The following SEM1 variants were observed in gnomAD, a reference collection of about 807,000 sequenced individuals.
The protein encoded by SEM1 is SEM1 26S proteasome subunit, also known as 26S proteasome complex subunit SEM1.
SEM1 carries 3 observed loss-of-function variants against 12.7 expected under a neutral mutation model. The ratio of observed to expected loss-of-function variants is 0.24; its 90% CI spans 0.11 to 0.61. The LOEUF (loss-of-function observed/expected upper bound fraction) is 0.61. SEM1 is among the 20% of genes least tolerant of loss of function. SEM1 has a pLI of 0.88. For synonymous variants in SEM1, 30 were observed against 27.8 expected (o/e 1.08, Z -0.25); for missense variants, 59 against 81.3 (o/e 0.73, Z 1.06).
intron 2 of SEM1, among the ~76,000 whole-genome samples, chr7:96,628,445 A>C (rs1267778322): frequency 6.6e-6 from 1 of 152,134 alleles, no homozygotes. Context: ...GCTTGCAAAT[A>C]GTATTTTATA....
At chr7:96,644,284 G>A (rs1011338371) in intron 2 of SEM1, among the ~76,000 whole-genome samples, 8 of 152,104 alleles carry the variant, frequency 5.3e-5, no homozygotes, top group African/African-American at 9.7e-5. Flanking sequence ...ATGAAGCAAA[G>A]TTTGGGAATG....
intron 2 of SEM1, among the ~76,000 whole-genome samples, chr7:96,508,723 T>G (rs1235928361): frequency 6.6e-6 from 1 of 152,128 alleles, no homozygotes; most frequent in Non-Finnish European, 1.5e-5. Context: ...TGGCATAAGG[T>G]GGATAAATAC....
At chr7:96,575,461 G>A (rs1475142398) in intron 2 of SEM1, among the ~76,000 whole-genome samples, 1 of 152,204 alleles carries the variant, frequency 6.6e-6, no homozygotes, top group African/African-American at 2.4e-5. Flanking sequence ...CCCACTTGAG[G>A]AGAGAGTCTG....
At chr7:96,514,172 C>T (rs1200220589) in intron 2 of SEM1, among the ~76,000 whole-genome samples, 1 of 152,052 alleles carries the variant, frequency 6.6e-6, no homozygotes, top group Non-Finnish European at 1.5e-5. Flanking sequence ...ATTACTAAGT[C>T]AAATGTACTT....
In SEM1 at chr7:96,602,843, A is replaced by G. The variant is rs552797948; in HGVS notation, c.170+91955T>C. Among the ~76,000 whole-genome samples, 38 of 152,322 alleles carry G rather than the reference A, an allele frequency of 2.5e-4. No individual in the cohort carries two copies. In the South Asian group the frequency reaches 7.7e-3, roughly 31 times the overall value. On this transcript the variant is annotated intron_variant and NMD_transcript_variant, in intron 2 of 3. Coordinates refer to the SEM1 transcript ENST00000466986. ...AATGGAAACTTCCTCAATCTTGCTC[A>G]GCTTTGAAATAGTAGCAAACATTTT...
chr7:96,543,559 CT>C (rs1805019334), intron 2 of SEM1, among the ~76,000 whole-genome samples: 1 of 151,770 alleles, frequency 6.6e-6, no homozygotes, highest in African/African-American at 2.4e-5. Context: ...TACATTGTTT[CT>C]TGTTTTCTGT....
At chr7:96,669,315 G>A (rs183997543), downstream of SEM1, among the ~76,000 whole-genome samples, 74 of 152,270 alleles carry the variant, frequency 4.9e-4, no homozygotes, top group African/African-American at 1.7e-3. Flanking sequence ...TGCAAGTTAC[G>A]TAGTCTCTGT....
At chr7:96,485,157 T>A (rs1285804988) in intron 2 of SEM1, among the ~76,000 whole-genome samples, 1 of 152,222 alleles carries the variant, frequency 6.6e-6, no homozygotes, top group South Asian at 2.1e-4. Flanking sequence ...ACAAGGTCAT[T>A]GCTTATTAAG....
At chr7:96,541,549 G>T (rs2115784003) in intron 2 of SEM1, among the ~76,000 whole-genome samples, 1 of 145,992 alleles carries the variant, frequency 6.8e-6, no homozygotes, top group Non-Finnish European at 1.5e-5. Flanking sequence ...TCTGTAGGTT[G>T]TCTGTTTACT....
upstream of SEM1, among the ~76,000 whole-genome samples, chr7:96,498,400 C>T (rs114366626): frequency 6.7e-3 from 1,015 of 152,224 alleles, 11 homozygotes; most frequent in African/African-American, 0.023. Flanking sequence ...CACACACACG[C>T]ATGTGTGCAT....
intron 2 of SEM1, among the ~76,000 whole-genome samples, chr7:96,659,921 A>AAAAG (rs530538295): frequency 6.7e-6 from 1 of 148,330 alleles, no homozygotes; most frequent in Non-Finnish European, 1.5e-5. Flanking sequence ...GGCAAAAAAA[A>AAAAG]AAAAAAAAAC....
rs1000807230 is a variant in SEM1 at position 96,519,266 on chromosome 7, AT to A, written c.171-12569del. Among the ~76,000 whole-genome samples, 6 of 151,946 alleles carry A rather than the reference AT, an allele frequency of 3.9e-5. No homozygotes were observed. The East Asian group carries it at 7.7e-4, about 20-fold the overall frequency. ...GAAATTTCATTGATTCAACAAAACT[AT>A]TTTTTTTGAGCACTTTCTATCTGCC... On this transcript the variant is annotated intron_variant and NMD_transcript_variant, in intron 2 of 3. Transcript: ENST00000466986.
chr7:96,561,641 T>C (rs184445624), intron 2 of SEM1, among the ~76,000 whole-genome samples: 2,769 of 152,328 alleles, frequency 0.018, 39 homozygotes, highest in Non-Finnish European at 0.029. Flanking sequence ...TACTTGAACA[T>C]CGGTTCCATA....
intron 1 of SEM1, among the ~76,000 whole-genome samples, chr7:96,488,606 G>T (rs4729260): frequency 6.6e-6 from 1 of 151,756 alleles, no homozygotes; most frequent in Admixed American, 6.6e-5. Flanking sequence ...GAAAATCAAG[G>T]AAACAAATAA....
intron 1 of SEM1, among the ~76,000 whole-genome samples, chr7:96,703,815 G>A (rs983403505): frequency 6.6e-6 from 1 of 151,954 alleles, no homozygotes; most frequent in Non-Finnish European, 1.5e-5. Context: ...AGGTGAGATG[G>A]CACATGCCTG....
At chr7:96,696,278 G>A (rs1790092892) in intron 1 of SEM1, 5 of 151,838 alleles carry the variant, frequency 3.3e-5, no homozygotes, top group Admixed American at 2.6e-4. Context: ...AATACTGTGA[G>A]CAACATTTTA....
At chr7:96,499,611 G>T (rs1194904386), upstream of SEM1, among the ~76,000 whole-genome samples, 1 of 152,174 alleles carries the variant, frequency 6.6e-6, no homozygotes, top group Admixed American at 6.5e-5. Context: ...AAGTCCTGAT[G>T]CTATCCTCAT....
intron 2 of SEM1, among the ~76,000 whole-genome samples, chr7:96,604,689 C>T (rs1183520243): frequency 6.6e-6 from 1 of 151,884 alleles, no homozygotes; most frequent in Non-Finnish European, 1.5e-5. Context: ...GAGGCTGAGG[C>T]GGGCGAATCA....
intron 2 of SEM1, among the ~76,000 whole-genome samples, chr7:96,552,555 G>A (rs1232149117): frequency 6.8e-6 from 1 of 148,102 alleles, no homozygotes. Flanking sequence ...ATTCCATGGT[G>A]TATATGTGCC....
Sources: gnomAD v4.1 joint callset for allele counts (sites outside exome capture counted in the v4.1 genomes callset) on GRCh38, gnomAD v4.1.1 for gene constraint, MANE v1.5 for transcripts, NCBI Gene and HGNC (gene_info 2026-07-23, HGNC 2026-07-21) for gene names.